CCDC171: variants seen among roughly 807,000 people sequenced by gnomAD.
CCDC171 encodes the protein coiled-coil domain-containing protein 171.
In CCDC171, 177 loss-of-function variants were observed where a neutral mutation model predicts 168.2. That is an observed-to-expected ratio of 1.05 (90% CI 0.93 to 1.19). CCDC171 has a LOEUF of 1.19. Ranked by LOEUF, CCDC171 falls within the 50% of genes most tolerant of loss-of-function variation. The probability of loss-of-function intolerance (pLI) is 0.00; values close to 1 mark genes in which losing one functional copy is unlikely to be tolerated. For missense variants in CCDC171, 1,991 were observed against 1,539.0 expected, an observed-to-expected ratio of 1.29 and a Z score of -4.91; for synonymous variants, 687 against 540.8, an observed-to-expected ratio of 1.27 and a Z score of -3.75.
intron 4 of CCDC171, among the ~76,000 whole-genome samples, chr9:15,584,023 C>G (rs1249456746): frequency 1.3e-5 from 2 of 152,052 alleles, no homozygotes; most frequent in Non-Finnish European, 2.9e-5. Flanking sequence ...CCCACCACCA[C>G]GCCCGGCTAA....
chr9:15,684,781 A>T (rs944676956), intron 10 of CCDC171, among the ~76,000 whole-genome samples: 4 of 149,712 alleles, frequency 2.7e-5, no homozygotes, highest in African/African-American at 1.0e-4. Flanking sequence ...CTGGTTAAAG[A>T]TATTTTTTAA....
At chr9:15,912,551 C>A (rs1490619606) in intron 24 of CCDC171, among the ~76,000 whole-genome samples, 1 of 152,098 alleles carries the variant, frequency 6.6e-6, no homozygotes, top group Non-Finnish European at 1.5e-5. Flanking sequence ...CTTTCTCTTG[C>A]CTGATTGCCT....
chr9:15,761,623 A>G lies in CCDC171; in HGVS notation c.2672-15977A>G, dbSNP rs184171178. ...ACTTAGGGGATTTTATTATTTTGTT[A>G]TTTTTATTTTGTTATTTAAAAAAAA... is the stretch of plus-strand genomic sequence containing the variant. On this transcript the variant is annotated intron_variant, in intron 18 of 25. Coordinates refer to ENST00000380701, the MANE Select transcript of CCDC171 (RefSeq NM_173550.4). 2.6e-3 allele frequency among the ~76,000 whole-genome samples: 357 copies of G among 135,452 alleles called. 4 individuals carry two copies. The highest frequency in any genetic ancestry group is 5.6e-4 in the Non-Finnish European group (35 of 62,062). The allele number at this position is 135,452 out of a possible 152,430, so 88.9% of individuals were successfully genotyped here.
At chr9:15,913,446 C>T (rs3008699) in intron 24 of CCDC171, among the ~76,000 whole-genome samples, 94,990 of 151,876 alleles carry the variant, frequency 0.63, 31,111 homozygotes, top group East Asian at 0.78. Flanking sequence ...TGGCTGGCAG[C>T]GTATATATTT....
chr9:15,780,120 G>A (rs571048864), intron 20 of CCDC171, among the ~76,000 whole-genome samples: 1 of 150,656 alleles, frequency 6.6e-6, no homozygotes, highest in African/African-American at 2.5e-5. Context: ...CTATGATAAT[G>A]TAATTGTGCT....
At chr9:15,677,012 G>A (rs976074428) in intron 9 of CCDC171, among the ~76,000 whole-genome samples, 1 of 152,106 alleles carries the variant, frequency 6.6e-6, no homozygotes, top group Non-Finnish European at 1.5e-5. Context: ...TTTGTTCCCA[G>A]TGTTCTGAAA....
intron 21 of CCDC171, among the ~76,000 whole-genome samples, chr9:15,788,770 C>T (rs1368583714): frequency 1.3e-5 from 2 of 151,994 alleles, no homozygotes; most frequent in African/African-American, 4.8e-5. Flanking sequence ...CAGTCCTGGT[C>T]TCAAACTCCT....
intron 3 of CCDC171, among the ~76,000 whole-genome samples, chr9:15,997,229 G>A (rs1306882832): frequency 6.6e-6 from 1 of 152,098 alleles, no homozygotes; most frequent in East Asian, 1.9e-4. Context: ...ATAAGGTAAA[G>A]CCAAACCAAC....
intron 25 of CCDC171, chr9:15,922,174 T>G: frequency 2.4e-6 from 1 of 409,686 alleles, no homozygotes; most frequent in South Asian, 1.8e-5. Context: ...ATCTATAGAA[T>G]GCGAAACATT....
chr9:15,667,601 G>A (rs570225566), intron 9 of CCDC171, among the ~76,000 whole-genome samples: 2 of 152,152 alleles, frequency 1.3e-5, no homozygotes, highest in East Asian at 1.9e-4. Flanking sequence ...AGCTGAGATC[G>A]CGCCATTGCA....
intron 9 of CCDC171, among the ~76,000 whole-genome samples, chr9:15,677,901 T>TGTCATATATGTC (rs1335881476): frequency 4.8e-5 from 1 of 20,700 alleles, no homozygotes; most frequent in African/African-American, 2.2e-4. Context: ...TATATATATA[T>TGTCATATATGTC]ATATATATAT....
intron 6 of CCDC171, among the ~76,000 whole-genome samples, chr9:16,031,659 T>A (rs1291608556): frequency 6.6e-6 from 1 of 152,182 alleles, no homozygotes; most frequent in Non-Finnish European, 1.5e-5. Context: ...ATGGGCCCCC[T>A]GAGGACAGCC....
intron 3 of CCDC171, among the ~76,000 whole-genome samples, chr9:16,006,894 G>A (rs747493850): frequency 3.3e-5 from 5 of 152,100 alleles, no homozygotes; most frequent in African/African-American, 7.2e-5. Context: ...ATAAACATAC[G>A]TGTGCATGTG....
At chr9:15,976,391 G>A (rs971132136), downstream of CCDC171, among the ~76,000 whole-genome samples, 1 of 151,972 alleles carries the variant, frequency 6.6e-6, no homozygotes, top group Non-Finnish European at 1.5e-5. Context: ...ATAATAAACA[G>A]TGATTATATT....
chr9:15,959,004 C>T (rs1478830462), intron 25 of CCDC171, among the ~76,000 whole-genome samples: 3 of 152,140 alleles, frequency 2.0e-5, no homozygotes, highest in African/African-American at 7.2e-5. Context: ...CTGCCTCAGC[C>T]TTCTTCACTC....
At chr9:15,697,660 A>G (rs545557439) in intron 11 of CCDC171, among the ~76,000 whole-genome samples, 1 of 152,202 alleles carries the variant, frequency 6.6e-6, no homozygotes, top group African/African-American at 2.4e-5. Context: ...TTGTGAGAGC[A>G]TTATGTCAAA....
intron 3 of CCDC171, among the ~76,000 whole-genome samples, chr9:15,979,187 G>A (rs1006124965): frequency 3.3e-5 from 5 of 152,048 alleles, no homozygotes; most frequent in Non-Finnish European, 5.9e-5. Context: ...TAGTTTTGTG[G>A]TGTGAATTTC....
At chr9:15,955,816 C>G (rs983245518) in intron 25 of CCDC171, among the ~76,000 whole-genome samples, 1 of 152,034 alleles carries the variant, frequency 6.6e-6, no homozygotes, top group African/African-American at 2.4e-5. Context: ...TGCTTTCTAT[C>G]AGGGACTTAT....
chr9:15,837,413 G>C (rs1197814452), intron 21 of CCDC171, among the ~76,000 whole-genome samples: 1 of 152,122 alleles, frequency 6.6e-6, no homozygotes, highest in Non-Finnish European at 1.5e-5. Context: ...TATTTACTGA[G>C]TATGTATATA....
Sources: gnomAD v4.1 joint callset for allele counts (sites outside exome capture counted in the v4.1 genomes callset) on GRCh38, gnomAD v4.1.1 for gene constraint, MANE v1.5 for transcripts, NCBI Gene and HGNC (gene_info 2026-07-23, HGNC 2026-07-21) for gene names.